FYN: variants seen among roughly 807,000 people sequenced by gnomAD.
The protein encoded by FYN is tyrosine-protein kinase Fyn.
A neutral mutation model predicts 70.2 loss-of-function variants in FYN; 10 were observed. The observed-to-expected ratio is 0.14, with a 90% CI of 0.09 to 0.24. The LOEUF is 0.24. Among genes scored for constraint, FYN ranks in the 10% least tolerant of loss-of-function variants. The pLI, the probability that FYN is intolerant of heterozygous loss-of-function variation, is 1.00. For synonymous variants in FYN, 236 were observed against 248.6 expected, an observed-to-expected ratio of 0.95 and a Z score of 0.48; for missense variants, 319 against 673.1, an observed-to-expected ratio of 0.47 and a Z score of 5.82.
intron 12 of FYN, among the ~76,000 whole-genome samples, chr6:111,683,971 A>T (rs1203870290): frequency 6.6e-6 from 1 of 152,228 alleles, no homozygotes; most frequent in Non-Finnish European, 1.5e-5. Flanking sequence ...AATGCTTCTG[A>T]AGTAATACAA....
At chr6:111,711,362 G>A (rs1464772332) in intron 5 of FYN, among the ~76,000 whole-genome samples, 1 of 152,144 alleles carries the variant, frequency 6.6e-6, no homozygotes, top group Non-Finnish European at 1.5e-5. Flanking sequence ...GTCACTGTTC[G>A]TAGATGGTAA....
At chr6:111,833,833 C>T (rs2114424506) in intron 2 of FYN, among the ~76,000 whole-genome samples, 1 of 152,268 alleles carries the variant, frequency 6.6e-6, no homozygotes, top group Non-Finnish European at 1.5e-5. Flanking sequence ...CTTAGGCACC[C>T]ATTCTAGAAA....
chr6:111,699,139 G>T (rs1465284350), intron 9 of FYN, among the ~76,000 whole-genome samples: 2 of 152,186 alleles, frequency 1.3e-5, no homozygotes, highest in African/African-American at 4.8e-5. Context: ...AGGCTTAAAG[G>T]AGTTAAATAT....
At chr6:111,699,124 A>C (rs905383104) in intron 9 of FYN, among the ~76,000 whole-genome samples, 4 of 152,180 alleles carry the variant, frequency 2.6e-5, no homozygotes, top group African/African-American at 9.7e-5. Flanking sequence ...CAGATGAAAA[A>C]ACTGAGGCTT....
intron 3 of FYN, among the ~76,000 whole-genome samples, chr6:111,765,167 C>T (rs965217496): frequency 6.6e-6 from 1 of 152,126 alleles, no homozygotes; most frequent in African/African-American, 2.4e-5. Flanking sequence ...CATGAGCACA[C>T]ACACTCTCAG....
intron 3 of FYN, among the ~76,000 whole-genome samples, chr6:111,763,703 C>G (rs1193774362): frequency 2.0e-5 from 3 of 152,154 alleles, no homozygotes; most frequent in Non-Finnish European, 4.4e-5. Flanking sequence ...TGCTACAAAA[C>G]TTTTAACTAT....
intron 2 of FYN, among the ~76,000 whole-genome samples, chr6:111,802,303 C>T (rs955848135): frequency 1.6e-4 from 24 of 152,238 alleles, no homozygotes; most frequent in Admixed American, 1.5e-3. Context: ...CCCATGCCTT[C>T]TGCCATGATT....
At chr6:111,673,661 G>T (rs1433123660) in intron 13 of FYN, among the ~76,000 whole-genome samples, 2 of 110,330 alleles carry the variant, frequency 1.8e-5, no homozygotes, top group Non-Finnish European at 1.8e-5. Context: ...CCTTTCTTAC[G>T]CAGGGAATGA....
intron 2 of FYN, among the ~76,000 whole-genome samples, chr6:111,837,668 G>C (rs1413609743): frequency 6.6e-6 from 1 of 152,092 alleles, no homozygotes; most frequent in South Asian, 2.1e-4. Flanking sequence ...GGGATTTCAC[G>C]GCACTTTGTG....
intron 3 of FYN, among the ~76,000 whole-genome samples, chr6:111,739,032 C>T (rs1432603193): frequency 6.6e-6 from 1 of 152,154 alleles, no homozygotes; most frequent in Non-Finnish European, 1.5e-5. Flanking sequence ...CTCCCCATCC[C>T]TACATGAAGC....
intron 3 of FYN, among the ~76,000 whole-genome samples, chr6:111,734,566 T>A (rs1338804191): frequency 1.3e-5 from 2 of 152,146 alleles, no homozygotes; most frequent in Non-Finnish European, 2.9e-5. Flanking sequence ...GTCTTGACCC[T>A]CCTCCCTCAT....
chr6:111,793,062 G>C (rs776362885), intron 2 of FYN, among the ~76,000 whole-genome samples: 1 of 152,052 alleles, frequency 6.6e-6, no homozygotes, highest in East Asian at 1.9e-4. Context: ...ATCTCAGGGC[G>C]AACACGATGA....
intron 2 of FYN, among the ~76,000 whole-genome samples, chr6:111,845,546 C>G (rs1773502083): frequency 6.6e-6 from 1 of 152,216 alleles, no homozygotes; most frequent in Non-Finnish European, 1.5e-5. Context: ...AACAATGTTT[C>G]AGATAGTATA....
chr6:111,737,356 G>A (rs572322041), intron 3 of FYN, among the ~76,000 whole-genome samples: 1 of 152,178 alleles, frequency 6.6e-6, no homozygotes, highest in Non-Finnish European at 1.5e-5. Context: ...GCCCCAGGTT[G>A]TGGTATGTGC....
chr6:111,844,061 G>C (rs1773446374), intron 2 of FYN, among the ~76,000 whole-genome samples: 1 of 152,212 alleles, frequency 6.6e-6, no homozygotes, highest in South Asian at 2.1e-4. Context: ...ACAGATCTGA[G>C]TAGAATCCTT....
intron 3 of FYN, among the ~76,000 whole-genome samples, chr6:111,760,786 T>A (rs146604207): frequency 6.6e-6 from 1 of 152,310 alleles, no homozygotes; most frequent in East Asian, 1.9e-4. Flanking sequence ...TAAGTGCAAT[T>A]ATAGTTTTTA....
chr6:111,778,237 T>C (rs1273460094), intron 3 of FYN, among the ~76,000 whole-genome samples: 1 of 152,124 alleles, frequency 6.6e-6, no homozygotes, highest in Non-Finnish European at 1.5e-5. Context: ...CGGGAGATGG[T>C]AAATTCACCC....
intron 12 of FYN, among the ~76,000 whole-genome samples, chr6:111,689,758 C>T (rs1227841847): frequency 6.6e-6 from 1 of 152,076 alleles, no homozygotes; most frequent in Non-Finnish European, 1.5e-5. Context: ...GGAAAAAAGG[C>T]TATTTGTGGG....
intron 2 of FYN, among the ~76,000 whole-genome samples, chr6:111,800,165 A>G (rs1445691745): frequency 6.6e-6 from 1 of 152,212 alleles, no homozygotes. Flanking sequence ...GATTCTAAAC[A>G]ACTTTATTAA....
Sources: gnomAD v4.1 joint callset for allele counts (sites outside exome capture counted in the v4.1 genomes callset) on GRCh38, gnomAD v4.1.1 for gene constraint, MANE v1.5 for transcripts, NCBI Gene and HGNC (gene_info 2026-07-23, HGNC 2026-07-21) for gene names.